The following MKI67 variants were observed in gnomAD, a reference collection of about 807,000 sequenced individuals.
MKI67 encodes the protein marker of proliferation Ki-67, also known as proliferation marker protein Ki-67.
MKI67 carries 152 observed loss-of-function variants against 233.5 expected under a neutral mutation model. That is an observed-to-expected ratio of 0.65 (90% CI 0.57 to 0.74). MKI67 has a LOEUF of 0.74. Ranked by LOEUF, MKI67 falls within the 30% of genes least tolerant of loss-of-function variation. The probability of loss-of-function intolerance (pLI) is 0.00; values close to 1 mark genes in which losing one functional copy is unlikely to be tolerated. For missense variants in MKI67, 3,940 were observed against 3,885.2 expected (o/e 1.01, Z -0.37); for synonymous variants, 1,465 against 1,418.5 (o/e 1.03, Z -0.74).
intron 14 of MKI67, 81 bp from the exon 15 acceptor site, chr10:128,099,336 A>C: frequency 4.8e-6 from 5 of 1,051,034 alleles, no homozygotes; most frequent in Non-Finnish European, 7.1e-6. Flanking sequence ...CAAAACCCCA[A>C]AGGCTTACTA....
Position 128,105,751 on chromosome 10 carries a change from C to G in MKI67, c.6089G>C (p.Arg2030Thr), listed in dbSNP as rs764495524. The change falls in exon 13 of 15, where the codon AGA becomes ACA. Residue 2030 changes from arginine to threonine, a missense_variant. By Grantham distance (71) the Arg-to-Thr change is moderately conservative. Transcript: ENST00000368654. ...GCTCTTTCCATCTCCTGCTGTCTCT[C>G]TGTGTGTCTGTGTGGTCTTCCCTGA... ...QTSGKTTQTH[R>T]ETAGDGKSIK... 49 of 1,613,984 alleles carry G rather than the reference C, an allele frequency of 3.0e-5. No individual in the cohort carries two copies. Among genetic ancestry groups the G allele is most frequent in the Non-Finnish European group, 4.1e-5 (48 of 1,180,042 alleles).
chr10:128,102,982 C>T lies in MKI67; in HGVS notation c.8858G>A (p.Gly2953Glu), dbSNP rs1292686811. The T allele has an allele frequency of 2.5e-6, 4 of 1,614,120 alleles. No homozygotes were observed. The highest frequency in any genetic ancestry group is 3.4e-6 in the Non-Finnish European group (4 of 1,180,050). Residue 2953 changes from glycine to glutamate, a missense_variant, in exon 13 of 15, where the codon GGA (glycine) becomes GAA (glutamate). By Grantham distance (98) the Gly-to-Glu change is moderately conservative. Coordinates refer to ENST00000368654, the MANE Select transcript of MKI67 (RefSeq NM_002417.5). The stretch of plus-strand genomic sequence containing the variant: ...TCTTCTGGATATTTTTAGAGGTTTT[C>T]CACTGTCAGGTGTTTGCTTTGGAGC... ...TSAPKQTPDS[G>E]KPLKISRRVL...
rs758703778 is a variant in MKI67 at position 128,108,011 on chromosome 10, C to A, written c.3829G>T (p.Asp1277Tyr). ...CACGCTAAGAGTTCTCCCTCTACAT[C>A]TGCTTTCCTGATACTTCTCTTGGGT... is the stretch of plus-strand genomic sequence containing the variant. ...QRPKRSIRKA[D>Y]VEGELLACRN... The change falls in exon 13 of 15, where the codon GAT becomes TAT. Residue 1277 changes from aspartate (D) to tyrosine (Y), a missense_variant. Transcript: ENST00000368654. 6.2e-7 allele frequency: 1 copy of A among 1,613,844 alleles called. No individual in the cohort carries two copies. Among genetic ancestry groups the A allele is most frequent in the Non-Finnish European group, 8.5e-7 (1 of 1,179,970 alleles).
intron 12 of MKI67, 69 bp from the exon 13 acceptor site, chr10:128,109,492 A>T: frequency 6.7e-7 from 1 of 1,498,296 alleles, no homozygotes; most frequent in Non-Finnish European, 8.9e-7. Context: ...TTACAGCCTC[A>T]TAAAATATGG....
chr10:128,100,413 G>C (rs1852313459), intron 14 of MKI67, among the ~76,000 whole-genome samples: 1 of 152,186 alleles, frequency 6.6e-6, no homozygotes, highest in Non-Finnish European at 1.5e-5. Flanking sequence ...AAGAGGGTCT[G>C]TCTGGACAGC....
In MKI67 at chr10:128,109,291, T is replaced by C. The variant is rs893113253; in HGVS notation, c.2549A>G (p.Lys850Arg). ...AGTTTTTGTCTCCAGAGAAGTCATT[T>C]TGTAGGTGTTCCTGGGCGTTTTTGC... is the stretch of plus-strand genomic sequence containing the variant. Reference protein sequence around the residue: ...NVAKTPRNTYKMTSLETKTSD... With the variant: ...NVAKTPRNTYRMTSLETKTSD... Residue 850 changes from lysine to arginine, a missense_variant, in exon 13 of 15, where the codon AAA becomes AGA. By Grantham distance (26) the Lys-to-Arg change is conservative. Transcript: ENST00000368654. 1.6e-5 allele frequency: 26 copies of C among 1,614,062 alleles called. No homozygotes were observed. Among genetic ancestry groups the C allele is most frequent in the Non-Finnish European group, 1.7e-5 (20 of 1,180,044 alleles).
In MKI67 at chr10:128,105,823, A is replaced by G. The variant is rs145634203; in HGVS notation, c.6017T>C (p.Val2006Ala). ...KQRLKISLGK[V>A]GVKEEVLPVG... ...TGGTAGGACCTCTTCTTTCACACCT[A>G]CTTTCCCCAAGGATATCTTGAGTCG... Residue 2006 changes from valine to alanine, a missense_variant, in exon 13 of 15, where the codon GTA (valine) becomes GCA (alanine). By Grantham distance (64) the Val-to-Ala change is moderately conservative (BLOSUM62 0). Coordinates refer to ENST00000368654, the MANE Select transcript of MKI67 (RefSeq NM_002417.5). 4,754 of 1,613,766 alleles carry G rather than the reference A, an allele frequency of 2.9e-3. 47 individuals carry two copies. Among genetic ancestry groups the G allele is most frequent in the Non-Finnish European group, 2.1e-3 (2,498 of 1,179,948 alleles).
At position 128,103,329 on chromosome 10, in the gene MKI67, G is replaced by C; in HGVS notation, c.8511C>G (p.Ser2837Arg). The C allele has an allele frequency of 3.1e-6, 5 of 1,614,130 alleles. No homozygotes were observed. The highest frequency in any genetic ancestry group is 4.2e-6 in the Non-Finnish European group (5 of 1,180,030). Residue 2837 changes from serine (S) to arginine (R), a missense_variant, in exon 13 of 15, where the codon AGC becomes AGG. Physicochemically the swap from Ser to Arg is moderately radical, Grantham distance 110 (BLOSUM62 -1). Transcript: ENST00000368654. ...CACGTGTCCTGGGCCGTCTCTTTGA[G>C]CTTGTTGCGGTGTCTTCTAGTTCTG... ...SSPELEDTATSSKRRPRTRAQ... is the reference protein window; with the variant it reads ...SSPELEDTATRSKRRPRTRAQ...
Position 128,107,288 on chromosome 10 carries a change from C to T in MKI67, c.4552G>A (p.Val1518Met), listed in dbSNP as rs1852526964. The change falls in exon 13 of 15, where the codon GTG becomes ATG. Residue 1518 changes from valine (V) to methionine (M), a missense_variant. Physicochemically the swap from Val to Met is conservative, Grantham distance 21. Transcript: ENST00000368654. Reference sequence around the variant, plus strand: ...GCGAAGAATTCTTCTTCTACGTCCACTTTCCTGAGACTTCTCTTGGACTGT... The same window carrying T: ...GCGAAGAATTCTTCTTCTACGTCCATTTTCCTGAGACTTCTCTTGGACTGT... ...KPQSKRSLRKVDVEEEFFALR... is the reference protein window; with the variant it reads ...KPQSKRSLRKMDVEEEFFALR... The T allele has an allele frequency of 6.2e-7, 1 of 1,614,136 alleles. No homozygotes were observed.
chr10:128,106,780 G>A lies in MKI67; in HGVS notation c.5060C>T (p.Ala1687Val), dbSNP rs1852509182. Reference sequence around the variant, plus strand: ...CCTCTTGCTGCCAGTTAGACTTGCTGCTGAGTCTAAGATCTGCTTTGGAGA... The same window carrying A: ...CCTCTTGCTGCCAGTTAGACTTGCTACTGAGTCTAAGATCTGCTTTGGAGA... The part of the protein sequence containing the change: ...MESPKQILDS[A>V]ASLTGSKRQL... The change falls in exon 13 of 15, where the codon GCA becomes GTA. Residue 1687 changes from alanine (A) to valine (V), a missense_variant. Coordinates refer to ENST00000368654, the MANE Select transcript of MKI67 (RefSeq NM_002417.5). The A allele has an allele frequency of 3.1e-6, 5 of 1,613,986 alleles. No homozygotes were observed. Among genetic ancestry groups the A allele is most frequent in the African/African-American group, 1.3e-5 (1 of 74,862 alleles).
intron 7 of MKI67, 112 bp downstream of exon 7, chr10:128,114,816 T>C: frequency 4.6e-6 from 5 of 1,089,402 alleles, no homozygotes; most frequent in Non-Finnish European, 6.6e-6. Flanking sequence ...GTGCCTTATG[T>C]GCTTACATTC....
chr10:128,102,972 TAG>T lies in MKI67; in HGVS notation c.8866_8867del (p.Leu2956LysfsTer11), dbSNP rs749036909. 9 of 1,614,144 alleles carry T rather than the reference TAG, an allele frequency of 5.6e-6. No homozygotes were observed. Among genetic ancestry groups the T allele is most frequent in the Admixed American group, 1.7e-5 (1 of 60,016 alleles). ...CCCGAAGAACTCTTCTGGATATTTT[TAG>T]AGGTTTTCCACTGTCAGGTGTTTGC... is the stretch of plus-strand genomic sequence containing the variant. ...PKQTPDSGKP[L>X]KISRRVLRAP... On this transcript the variant is annotated frameshift_variant, in exon 13 of 15. Coordinates refer to ENST00000368654, the MANE Select transcript of MKI67 (RefSeq NM_002417.5). LOFTEE classifies it high-confidence loss of function.
chr10:128,120,589 G>A (rs1288998997), intron 4 of MKI67, among the ~76,000 whole-genome samples: 1 of 151,970 alleles, frequency 6.6e-6, no homozygotes, highest in Non-Finnish European at 1.5e-5. Context: ...AAAAATGAAG[G>A]CAAACTTCCC....
chr10:128,125,552 T>C lies in MKI67; in HGVS notation c.92+24A>G, dbSNP rs758740204. 5 of 1,602,042 alleles carry C rather than the reference T, an allele frequency of 3.1e-6. No individual in the cohort carries two copies. Among genetic ancestry groups the C allele is most frequent in the Non-Finnish European group, 4.3e-6 (5 of 1,170,390 alleles). On this transcript the variant is annotated intron_variant, in intron 2 of 14. Coordinates refer to ENST00000368654, the MANE Select transcript of MKI67 (RefSeq NM_002417.5). The surrounding 1 kb of genome is among the most constrained non-coding windows in gnomAD (Gnocchi z 5.3). ...ATTTTCCTCTTTCTCAGCTAAAACG[T>C]CCGCGCGCGCCCGCGGGGCTCACCT...
rs2136124114 is a variant in MKI67 at position 128,101,362 on chromosome 10, T to C, written c.9601A>G (p.Arg3201Gly). The change falls in exon 14 of 15, where the codon AGA becomes GGA. Residue 3201 changes from arginine (R) to glycine (G), a missense_variant. Physicochemically the swap from Arg to Gly is moderately radical, Grantham distance 125. Transcript: ENST00000368654. The stretch of plus-strand genomic sequence containing the variant: ...GGCTGGCTTTTTGTCTTTCTTGATC[T>C]CAGGCACATGGAGTCTGAATTTCCT... ...EAGNSDSMCL[R>G]SRKTKSQPAA... The C allele has an allele frequency of 6.2e-7, 1 of 1,614,230 alleles. No homozygotes were observed. The highest frequency in any genetic ancestry group is 1.3e-5 in the African/African-American group (1 of 75,066).
Position 128,103,219 on chromosome 10 carries a change from T to A in MKI67, c.8621A>T (p.Glu2874Val). 1 of 1,613,974 alleles carries A rather than the reference T, an allele frequency of 6.2e-7. No individual in the cohort carries two copies. Among genetic ancestry groups the A allele is most frequent in the Non-Finnish European group, 8.5e-7 (1 of 1,179,992 alleles). ...TSGETTHTDK[E>V]PVGEGKGTKA... ...CGTGCCTTTGCCCTCACCTACCGGC[T>A]CTTTGTCGGTGTGCGTGGTCTCCCC... Residue 2874 changes from glutamate (E) to valine (V), a missense_variant, in exon 13 of 15, where the codon GAG (glutamate) becomes GTG (valine). By Grantham distance (121) the Glu-to-Val change is moderately radical. Transcript: ENST00000368654.
intron 4 of MKI67, among the ~76,000 whole-genome samples, chr10:128,121,527 T>TA (rs1349119270): frequency 2.8e-4 from 6 of 21,294 alleles, no homozygotes; most frequent in Admixed American, 1.4e-3. Flanking sequence ...CTATATAATA[T>TA]TATATATTAT....
chr10:128,116,535 T>C lies in MKI67; in HGVS notation c.356A>G (p.Glu119Gly). ...TEFPRKIREQ[E>G]PARRVSRSSF... ...AGATCTTGAGACACGACGTGCTGGC[T>C]CCTGTAAGTTGGGAAAATAAGAACA... The change falls in exon 6 of 15, where the codon GAG becomes GGG. Residue 119 changes from glutamate to glycine, a missense_variant and splice_region_variant. Physicochemically the swap from Glu to Gly is moderately conservative, Grantham distance 98 (BLOSUM62 -2). Coordinates refer to ENST00000368654, the MANE Select transcript of MKI67 (RefSeq NM_002417.5). 6.2e-7 allele frequency: 1 copy of C among 1,613,824 alleles called. No homozygotes were observed. The highest frequency in any genetic ancestry group is 8.5e-7 in the Non-Finnish European group (1 of 1,179,676).
rs1407781126 is a variant in MKI67, at chr10:128,125,091, C to A, written c.92+485G>T. Among the ~76,000 whole-genome samples the A allele has an allele frequency of 6.6e-6, 1 of 152,176 alleles. No homozygotes were observed. The highest frequency in any genetic ancestry group is 1.5e-5 in the Non-Finnish European group (1 of 68,032). Reference sequence around the variant, plus strand: ...ACAGGGACAGGGTTATTACCACCACCAAACAGGACAGCAATATAAGAGGAA... The same window carrying A: ...ACAGGGACAGGGTTATTACCACCACAAAACAGGACAGCAATATAAGAGGAA... On this transcript the variant is annotated intron_variant, in intron 2 of 14. Coordinates refer to ENST00000368654, the MANE Select transcript of MKI67 (RefSeq NM_002417.5). The surrounding 1 kb of genome is among the most constrained non-coding windows in gnomAD (Gnocchi z 5.3).
Sources: gnomAD v4.1 joint callset for allele counts (sites outside exome capture counted in the v4.1 genomes callset) on GRCh38, gnomAD v4.1.1 for gene constraint, Gnocchi (gnomAD v3.1) non-coding constraint, MANE v1.5 for transcripts, NCBI Gene and HGNC (gene_info 2026-07-23, HGNC 2026-07-21) for gene names.